The following CCDC150 variants were observed in gnomAD, a reference collection of about 807,000 sequenced individuals.
CCDC150 encodes coiled-coil domain containing 150.
CCDC150 carries 151 observed loss-of-function variants against 156.5 expected under a neutral mutation model. That is an observed-to-expected ratio of 0.97 (90% CI 0.85 to 1.10). The LOEUF is 1.10. Ranked by LOEUF, CCDC150 falls within the 50% of genes least tolerant of loss-of-function variation. The pLI is 0.00. For synonymous variants in CCDC150, 452 were observed against 429.4 expected, an observed-to-expected ratio of 1.05 and a Z score of -0.65; for missense variants, 1,312 against 1,268.1, an observed-to-expected ratio of 1.03 and a Z score of -0.53.
chr2:196,725,950 A>AT, intron 21 of CCDC150, 23 bp from the exon 22 acceptor site: 1 of 1,572,578 alleles, frequency 6.4e-7, no homozygotes, highest in Non-Finnish European at 8.6e-7. Context: ...AAGGTGACTT[A>AT]TCACCTCTCT....
rs116495857 is a variant in CCDC150, at chr2:196,670,581, A to C, written c.936+705A>C. Among the ~76,000 whole-genome samples, 564 of 151,932 alleles carry C rather than the reference A, an allele frequency of 3.7e-3. 2 individuals carry two copies. Among genetic ancestry groups the C allele is most frequent in the African/African-American group, 0.013 (527 of 41,442 alleles). ...TTTTTTTTTCTATAACCACAGAACA[A>C]AGGTGTTTTCTTCTGCTCCACTCTC... is the stretch of plus-strand genomic sequence containing the variant. On this transcript the variant is annotated intron_variant, in intron 8 of 27. Coordinates refer to ENST00000389175, the MANE Select transcript of CCDC150 (RefSeq NM_001080539.2).
chr2:196,709,744 T>G (rs962673894), intron 15 of CCDC150, among the ~76,000 whole-genome samples: 33 of 152,352 alleles, frequency 2.2e-4, no homozygotes, highest in Non-Finnish European at 2.1e-4. Context: ...TTTGTTAGTT[T>G]TCCTTCTAAC....
In CCDC150 at chr2:196,643,816, A is replaced by G. The variant is rs1279863597; in HGVS notation, c.13-2525A>G. On this transcript the variant is annotated intron_variant, in intron 1 of 27. Coordinates refer to ENST00000389175, the MANE Select transcript of CCDC150 (RefSeq NM_001080539.2). ...CTTGTCATTTTTACTTCTTCCTTCTACTTGTTTTTCCACCAGCTAATGCCT... is the reference window on the plus strand; with the variant it reads ...CTTGTCATTTTTACTTCTTCCTTCTGCTTGTTTTTCCACCAGCTAATGCCT... Among the ~76,000 whole-genome samples the G allele has an allele frequency of 2.0e-5, 3 of 152,066 alleles. No homozygotes were observed. The East Asian group carries it at 5.8e-4, about 29-fold the overall frequency.
chr2:196,665,820 C>T, intron 6 of CCDC150, 137 bp downstream of exon 6: 1 of 515,064 alleles, frequency 1.9e-6, no homozygotes, highest in Non-Finnish European at 3.4e-6. Flanking sequence ...AATATGTTAA[C>T]AATCTTACTA....
At chr2:196,713,713 G>A in intron 17 of CCDC150, 9 of 1,370,218 alleles carry the variant, frequency 6.6e-6, no homozygotes, top group East Asian at 2.7e-5. Context: ...TAAATCTTAA[G>A]GAAGTTTTAA....
chr2:196,704,011 T>C (rs549886376), intron 15 of CCDC150, among the ~76,000 whole-genome samples: 1 of 152,362 alleles, frequency 6.6e-6, no homozygotes, highest in East Asian at 1.9e-4. Context: ...TCATCAGCTC[T>C]AGGGAAAGTG....
intron 13 of CCDC150, among the ~76,000 whole-genome samples, chr2:196,688,636 G>T (rs1315246319): frequency 6.6e-6 from 1 of 152,036 alleles, no homozygotes; most frequent in Non-Finnish European, 1.5e-5. Context: ...TGTAGATTCT[G>T]GATATTAGCC....
intron 23 of CCDC150, 172 bp from the exon 24 acceptor site, chr2:196,729,621 T>C: frequency 1.5e-6 from 1 of 661,942 alleles, no homozygotes; most frequent in Non-Finnish European, 2.6e-6. Flanking sequence ...TCCGTGTTGA[T>C]TGTACTGGAC....
Position 196,688,147 on chromosome 2 carries a change from A to G in CCDC150, c.1510-6899A>G, listed in dbSNP as rs149156669. Among the ~76,000 whole-genome samples the G allele has an allele frequency of 5.5e-3, 837 of 152,222 alleles. 3 individuals carry two copies. Among genetic ancestry groups the G allele is most frequent in the Non-Finnish European group, 7.9e-3 (540 of 68,000 alleles). On this transcript the variant is annotated intron_variant, in intron 13 of 27. Coordinates refer to ENST00000389175, the MANE Select transcript of CCDC150 (RefSeq NM_001080539.2). ...TTTTCGAGTTCTGTGAAGAATGTCA[A>G]TGGTAGTTTAATGGGAATAGCATTG... is the stretch of plus-strand genomic sequence containing the variant.
rs1158033781 is a variant in CCDC150 at position 196,732,082 on chromosome 2, A to T, written c.3119A>T (p.Asp1040Val). The T allele has an allele frequency of 6.2e-6, 10 of 1,613,816 alleles. No homozygotes were observed. Among genetic ancestry groups the T allele is most frequent in the Non-Finnish European group, 8.5e-6 (10 of 1,179,754 alleles). ...CATCGCTGGTTTAAGCACAGGTTTGATGGTCTACAACTTGAGCTGACAAAA... is the reference window on the plus strand; with the variant it reads ...CATCGCTGGTTTAAGCACAGGTTTGTTGGTCTACAACTTGAGCTGACAAAA... ...EAHRWFKHRFDGLQLELTKNR... is the reference protein window; with the variant it reads ...EAHRWFKHRFVGLQLELTKNR... The change falls in exon 27 of 28, where the codon GAT (aspartate) becomes GTT (valine). Residue 1040 changes from aspartate to valine, a missense_variant. Coordinates refer to ENST00000389175, the MANE Select transcript of CCDC150 (RefSeq NM_001080539.2).
intron 17 of CCDC150, among the ~76,000 whole-genome samples, chr2:196,714,832 A>G (rs1697390648): frequency 6.6e-6 from 1 of 152,212 alleles, no homozygotes; most frequent in Non-Finnish European, 1.5e-5. Context: ...ACACTTAAAA[A>G]ACTGGTAGAA....
At chr2:196,661,166 C>T (rs1324327158) in intron 5 of CCDC150, among the ~76,000 whole-genome samples, 1 of 152,142 alleles carries the variant, frequency 6.6e-6, no homozygotes, top group African/African-American at 2.4e-5. Context: ...CTGTCAAAGA[C>T]TTGCAGAAGT....
At chr2:196,642,233 TG>T (rs1692272911) in intron 1 of CCDC150, among the ~76,000 whole-genome samples, 1 of 152,228 alleles carries the variant, frequency 6.6e-6, no homozygotes, top group Non-Finnish European at 1.5e-5. Flanking sequence ...TTAAAGCTGT[TG>T]TCTCTTTGCT....
At chr2:196,673,560 G>T (rs1445679809) in intron 9 of CCDC150, among the ~76,000 whole-genome samples, 2 of 151,870 alleles carry the variant, frequency 1.3e-5, no homozygotes, top group African/African-American at 2.4e-5. Flanking sequence ...TTTATTTTTT[G>T]TGTGTTTTCT....
intron 13 of CCDC150, among the ~76,000 whole-genome samples, chr2:196,693,831 A>G (rs1423249094): frequency 5.3e-5 from 8 of 151,886 alleles, no homozygotes; most frequent in Admixed American, 2.0e-4. Context: ...TGGTTTGCTG[A>G]GTTTTTATAA....
intron 13 of CCDC150, among the ~76,000 whole-genome samples, chr2:196,692,227 C>G (rs983611322): frequency 6.7e-6 from 1 of 149,144 alleles, no homozygotes; most frequent in African/African-American, 2.5e-5. Flanking sequence ...CTCCGCTTCC[C>G]GGGTTCACGC....
chr2:196,665,012 G>C (rs1168567641), intron 5 of CCDC150, among the ~76,000 whole-genome samples: 2 of 152,118 alleles, frequency 1.3e-5, no homozygotes, highest in South Asian at 4.1e-4. Context: ...TTTTCAGAGC[G>C]ATGTGTATAA....
chr2:196,676,350 G>A (rs999846532), intron 11 of CCDC150, 83 bp downstream of exon 11: 10 of 1,516,944 alleles, frequency 6.6e-6, no homozygotes, highest in Admixed American at 3.8e-5. Context: ...CAGTCTTATC[G>A]TCAATGAAAA....
At position 196,732,492 on chromosome 2, in the gene CCDC150, A is replaced by T; in HGVS notation, c.3236A>T (p.His1079Leu). Reference protein sequence around the residue: ...HDVMSNQSVLHRWERKQNLRP... With the variant: ...HDVMSNQSVLLRWERKQNLRP... Reference sequence around the variant, plus strand: ...GTCATGTCCAACCAATCTGTTCTGCATCGATGGGAGAGAAAACAGAATCTT... The same window carrying T: ...GTCATGTCCAACCAATCTGTTCTGCTTCGATGGGAGAGAAAACAGAATCTT... Residue 1079 changes from histidine to leucine, a missense_variant, in exon 28 of 28, where the codon CAT (histidine) becomes CTT (leucine). His to Leu is a moderately conservative substitution (Grantham distance 99). Transcript: ENST00000389175. 6.2e-7 allele frequency: 1 copy of T among 1,613,860 alleles called. No individual in the cohort carries two copies. Among genetic ancestry groups the T allele is most frequent in the Non-Finnish European group, 8.5e-7 (1 of 1,179,806 alleles).
Sources: allele counts gnomAD v4.1 joint callset (sites outside exome capture counted in the v4.1 genomes callset), GRCh38; gene constraint gnomAD v4.1.1; transcripts MANE v1.5; gene names NCBI Gene and HGNC (gene_info 2026-07-23, HGNC 2026-07-21).